Variants in TSPAN2 observed in about 807,000 individuals in gnomAD.
The protein encoded by TSPAN2 is tetraspanin 2, also known as tetraspanin-2.
TSPAN2 carries 24 observed loss-of-function variants against 33.3 expected under a neutral mutation model. The ratio of observed to expected loss-of-function variants is 0.72; its 90% CI spans 0.52 to 1.01. TSPAN2 has a LOEUF of 1.01. Ranked by LOEUF, TSPAN2 falls within the 50% of genes least tolerant of loss-of-function variation. The pLI is 0.00. For missense variants in TSPAN2, 278 were observed against 281.3 expected (o/e 0.99, Z 0.08); for synonymous variants, 114 against 104.5 (o/e 1.09, Z -0.56).
At chr1:115,064,035 A>G (rs1339585277) in intron 2 of TSPAN2, among the ~76,000 whole-genome samples, 1 of 149,684 alleles carries the variant, frequency 6.7e-6, no homozygotes, top group African/African-American at 2.5e-5. Flanking sequence ...GTACCCCCTG[A>G]TTCTAAAATG....
chr1:115,072,087 T>C (rs1038968267), intron 2 of TSPAN2, among the ~76,000 whole-genome samples: 1 of 152,190 alleles, frequency 6.6e-6, no homozygotes, highest in Non-Finnish European at 1.5e-5. Context: ...TTTTGAAATC[T>C]AGAGTCTTAG....
chr1:115,081,499 A>G (rs1188508826), intron 1 of TSPAN2, among the ~76,000 whole-genome samples: 2 of 152,354 alleles, frequency 1.3e-5, no homozygotes, highest in Non-Finnish European at 2.9e-5. Context: ...CCTTAGGGTA[A>G]TAAACACATG....
Position 115,053,401 on chromosome 1 carries a change from C to A in TSPAN2, c.578G>T (p.Gly193Val), listed in dbSNP as rs368395937. 1.5e-5 allele frequency: 24 copies of A among 1,613,850 alleles called. No individual in the cohort carries two copies. Among genetic ancestry groups the A allele is most frequent in the Non-Finnish European group, 1.7e-5 (20 of 1,179,912 alleles). The change falls in exon 7 of 8, where the codon GGT becomes GTT. Residue 193 changes from glycine (G) to valine (V), a missense_variant. Gly to Val is a moderately radical substitution (Grantham distance 109, BLOSUM62 -3). Transcript: ENST00000369516. ...SVKLQLIGIV[G>V]IGIAGLTIFG... ...CACCGTCAGACCTGCAATTCCAATA[C>A]CGACAATTCCAATGAGCTGGAGCTT... is the stretch of plus-strand genomic sequence containing the variant.
At chr1:115,059,048 A>C in intron 4 of TSPAN2, 67 bp from the exon 5 acceptor site, 1 of 1,217,630 alleles carries the variant, frequency 8.2e-7, no homozygotes, top group Non-Finnish European at 1.2e-6. Context: ...CCTTTCATCA[A>C]GGAAAATCTC....
intron 2 of TSPAN2, among the ~76,000 whole-genome samples, chr1:115,065,344 G>A (rs926873313): frequency 2.0e-5 from 3 of 152,168 alleles, no homozygotes; most frequent in African/African-American, 7.2e-5. Flanking sequence ...TTAATTTACA[G>A]CCACATTTTA....
chr1:115,071,170 G>A (rs752521878), intron 2 of TSPAN2, among the ~76,000 whole-genome samples: 10 of 152,172 alleles, frequency 6.6e-5, no homozygotes, highest in Non-Finnish European at 7.3e-5. Context: ...GGGTGTGAGG[G>A]TGTGAATATC....
chr1:115,063,255 G>T (rs1647804940), intron 2 of TSPAN2, among the ~76,000 whole-genome samples: 2 of 152,110 alleles, frequency 1.3e-5, no homozygotes. Context: ...ATTAAAAAGT[G>T]GGCAAAAGAC....
intron 1 of TSPAN2, among the ~76,000 whole-genome samples, chr1:115,081,832 T>A (rs1648635514): frequency 6.6e-6 from 1 of 152,200 alleles, no homozygotes; most frequent in Non-Finnish European, 1.5e-5. Context: ...GTTCCAATAA[T>A]GTGGTTTGCT....
At position 115,072,970 on chromosome 1, in the gene TSPAN2, A is replaced by G; in HGVS notation, c.107T>C (p.Phe36Ser). 1 of 1,614,164 alleles carries G rather than the reference A, an allele frequency of 6.2e-7. No homozygotes were observed. The highest frequency in any genetic ancestry group is 1.6e-4 in the Middle Eastern group (1 of 6,062). ...CTCCTTTATGGCACCTCCGAACCGA[A>G]ACCATAGTCCAAAAGCAATGACGGC... Reference protein sequence around the residue: ...GSAVIAFGLWFRFGGAIKELS... With the variant: ...GSAVIAFGLWSRFGGAIKELS... Residue 36 changes from phenylalanine to serine, a missense_variant, in exon 2 of 8, where the codon TTT becomes TCT. Coordinates refer to ENST00000369516, the MANE Select transcript of TSPAN2 (RefSeq NM_005725.6).
intron 7 of TSPAN2, among the ~76,000 whole-genome samples, chr1:115,052,792 C>T (rs1370996382): frequency 6.6e-6 from 1 of 152,142 alleles, no homozygotes; most frequent in Non-Finnish European, 1.5e-5. Context: ...GTCCCAGACA[C>T]TTTATTTATA....
At position 115,089,405 on chromosome 1, in the gene TSPAN2, A is replaced by C. The variant is rs763638749; in HGVS notation, c.28T>G (p.Cys10Gly). 1.3e-6 allele frequency: 2 copies of C among 1,590,014 alleles called. No individual in the cohort carries two copies. Among genetic ancestry groups the C allele is most frequent in the African/African-American group, 1.4e-5 (1 of 73,428 alleles). The change falls in exon 1 of 8, where the codon TGC becomes GGC. Residue 10 changes from cysteine (C) to glycine (G), a missense_variant. Physicochemically the swap from Cys to Gly is radical, Grantham distance 159. Transcript: ENST00000369516. Reference sequence around the variant, plus strand: ...AAGCCAAGCAGCAGGTACTTGATGCACCGCAGGCCCCCGCGGAAGCGCCCC... The same window carrying C: ...AAGCCAAGCAGCAGGTACTTGATGCCCCGCAGGCCCCCGCGGAAGCGCCCC... MGRFRGGLRCIKYLLLGFNL... is the reference protein window; with the variant it reads MGRFRGGLRGIKYLLLGFNL...
chr1:115,067,384 A>G (rs1211873238), intron 2 of TSPAN2, among the ~76,000 whole-genome samples: 2 of 152,176 alleles, frequency 1.3e-5, no homozygotes, highest in East Asian at 1.9e-4. Context: ...CCTGCCAACT[A>G]TGGCTTGAGG....
chr1:115,066,955 G>A (rs1647975557), intron 2 of TSPAN2, among the ~76,000 whole-genome samples: 1 of 152,134 alleles, frequency 6.6e-6, no homozygotes. Flanking sequence ...GGGGAATTTT[G>A]GATTTTGGAT....
intron 1 of TSPAN2, among the ~76,000 whole-genome samples, chr1:115,074,687 C>T (rs1648332873): frequency 6.6e-6 from 1 of 152,164 alleles, no homozygotes; most frequent in African/African-American, 2.4e-5. Context: ...CTGCATTAAG[C>T]ATGTATTTCT....
At position 115,053,447 on chromosome 1, in the gene TSPAN2, T is replaced by C. The variant is rs770950029; in HGVS notation, c.532A>G (p.Ile178Val). The C allele has an allele frequency of 8.1e-6, 13 of 1,613,888 alleles. No homozygotes were observed. The highest frequency in any genetic ancestry group is 3.3e-4 in the Middle Eastern group (2 of 6,060). The change falls in exon 7 of 8, where the codon ATT (isoleucine) becomes GTT (valine). Residue 178 changes from isoleucine to valine, a missense_variant. Physicochemically the swap from Ile to Val is conservative, Grantham distance 29. Coordinates refer to ENST00000369516, the MANE Select transcript of TSPAN2 (RefSeq NM_005725.6). ...AGCTTAACACTGATTATGGTCTCAA[T>C]TTCATCGATGCAATTCTGTTTTGAG... ...LLGHKNCIDE[I>V]ETIISVKLQL...
intron 1 of TSPAN2, among the ~76,000 whole-genome samples, chr1:115,073,981 A>T (rs751835816): frequency 3.3e-5 from 5 of 152,176 alleles, no homozygotes; most frequent in Non-Finnish European, 7.3e-5. Flanking sequence ...ATCCATCAAC[A>T]GATATTTACT....
intron 1 of TSPAN2, 52 bp downstream of exon 1, chr1:115,089,312 G>GGCC: frequency 4.3e-6 from 6 of 1,389,122 alleles, no homozygotes; most frequent in Non-Finnish European, 5.9e-6. Flanking sequence ...CCGGCCCCGC[G>GGCC]CCCGCCACCC....
intron 1 of TSPAN2, among the ~76,000 whole-genome samples, chr1:115,074,548 A>G (rs1026577599): frequency 3.3e-5 from 5 of 152,204 alleles, no homozygotes; most frequent in African/African-American, 1.2e-4. Flanking sequence ...AGCTTCTGAA[A>G]GACGTCTGCA....
intron 4 of TSPAN2, 116 bp from the exon 5 acceptor site, chr1:115,059,097 G>A (rs1354432935): frequency 1.6e-5 from 13 of 806,900 alleles, no homozygotes; most frequent in Non-Finnish European, 2.7e-5. Context: ...TTTCTCATAA[G>A]AATGATACAA....
Sources: allele counts gnomAD v4.1 joint callset (sites outside exome capture counted in the v4.1 genomes callset), GRCh38; gene constraint gnomAD v4.1.1; transcripts MANE v1.5; gene names NCBI Gene and HGNC (gene_info 2026-07-23, HGNC 2026-07-21).